ZBTB40: variants seen among roughly 807,000 people sequenced by gnomAD.
ZBTB40 encodes the protein zinc finger and BTB domain-containing protein 40.
Under a neutral mutation model 117.5 loss-of-function variants are expected in ZBTB40, and 60 were observed. That is an observed-to-expected ratio of 0.51 (90% CI 0.41 to 0.63). The LOEUF (loss-of-function observed/expected upper bound fraction) is 0.63. ZBTB40 is among the 30% of genes least tolerant of loss of function. ZBTB40 has a pLI of 0.00. For missense variants in ZBTB40, 1,287 were observed against 1,498.5 expected (o/e 0.86, Z 2.33); for synonymous variants, 525 against 577.1 (o/e 0.91, Z 1.29).
At chr1:22,465,210 G>A (rs557943709) in intron 1 of ZBTB40, among the ~76,000 whole-genome samples, 4 of 152,236 alleles carry the variant, frequency 2.6e-5, no homozygotes, top group South Asian at 4.1e-4. Context: ...CTGCTTGCTG[G>A]TTGACTAGAC....
At chr1:22,469,614 T>G (rs1468574544) in intron 1 of ZBTB40, among the ~76,000 whole-genome samples, 5 of 152,160 alleles carry the variant, frequency 3.3e-5, no homozygotes, top group Non-Finnish European at 5.9e-5. Flanking sequence ...TGGAGTGCAG[T>G]GGTGCGATCT....
chr1:22,444,927 C>T (rs1428533773), intron 1 of ZBTB40, among the ~76,000 whole-genome samples: 3 of 152,200 alleles, frequency 2.0e-5, no homozygotes, highest in Non-Finnish European at 4.4e-5. Flanking sequence ...GCCTTGGTCT[C>T]TCACTCTGCC....
intron 1 of ZBTB40, among the ~76,000 whole-genome samples, chr1:22,486,023 C>T (rs1470198721): frequency 6.6e-6 from 1 of 151,014 alleles, no homozygotes; most frequent in Non-Finnish European, 1.5e-5. Context: ...TGTGCTAATT[C>T]GGACATTCTT....
At chr1:22,430,765 C>T (rs1275636401) in intron 1 of ZBTB40, among the ~76,000 whole-genome samples, 1 of 152,060 alleles carries the variant, frequency 6.6e-6, no homozygotes, top group Non-Finnish European at 1.5e-5. Flanking sequence ...GGAACCATGC[C>T]CAGCCAGTTT....
chr1:22,507,737 C>T lies in ZBTB40; in HGVS notation c.1361-264C>T, dbSNP rs536901354. ...CTTACAAGTACAGCCTTCTAATTAC[C>T]CCCCTGGTGAGCAATTGCTAGCTCC... On this transcript the variant is annotated intron_variant, in intron 6 of 17. Transcript: ENST00000375647. Among the ~76,000 whole-genome samples, 10 of 152,286 alleles carry T rather than the reference C, an allele frequency of 6.6e-5. No homozygotes were observed. The East Asian group carries it at 1.5e-3, about 24-fold the overall frequency.
intron 1 of ZBTB40, among the ~76,000 whole-genome samples, chr1:22,434,558 T>C (rs867195153): frequency 5.3e-5 from 8 of 152,258 alleles, no homozygotes; most frequent in Middle Eastern, 6.8e-3. Flanking sequence ...TGTCTACAAT[T>C]TTTTAGCTTT....
At chr1:22,469,844 A>G (rs1277225832) in intron 1 of ZBTB40, among the ~76,000 whole-genome samples, 1 of 152,128 alleles carries the variant, frequency 6.6e-6, no homozygotes, top group Non-Finnish European at 1.5e-5. Context: ...GCCCCACCTT[A>G]TAGTTCTAGT....
At chr1:22,505,996 A>T in intron 5 of ZBTB40, 53 bp from the exon 6 acceptor site, 1 of 1,597,396 alleles carries the variant, frequency 6.3e-7, no homozygotes, top group South Asian at 1.1e-5. Context: ...AGTGTGTCAG[A>T]TAAATGTTGA....
At chr1:22,429,751 G>C (rs1640552740) in intron 1 of ZBTB40, among the ~76,000 whole-genome samples, 1 of 152,152 alleles carries the variant, frequency 6.6e-6, no homozygotes. Flanking sequence ...CCAGCACTTT[G>C]GGAGGCCGAG....
At chr1:22,488,504 A>C (rs910796142) in intron 1 of ZBTB40, among the ~76,000 whole-genome samples, 2 of 152,164 alleles carry the variant, frequency 1.3e-5, no homozygotes, top group African/African-American at 2.4e-5. Flanking sequence ...AGGCACAGAT[A>C]TACTAAGCAT....
chr1:22,458,829 A>C (rs1332378219), intron 1 of ZBTB40, among the ~76,000 whole-genome samples: 1 of 152,180 alleles, frequency 6.6e-6, no homozygotes, highest in Non-Finnish European at 1.5e-5. Flanking sequence ...GGCCTCAAGC[A>C]ATCCACCTGC....
At chr1:22,430,680 G>A (rs551720783) in intron 1 of ZBTB40, among the ~76,000 whole-genome samples, 2 of 150,380 alleles carry the variant, frequency 1.3e-5, no homozygotes, top group East Asian at 2.0e-4. Flanking sequence ...CTATGTTGCC[G>A]AGGCTGGTCT....
intron 5 of ZBTB40, among the ~76,000 whole-genome samples, chr1:22,502,869 C>T (rs1361795479): frequency 1.3e-5 from 2 of 152,092 alleles, no homozygotes; most frequent in African/African-American, 4.8e-5. Context: ...TAGAAATGTA[C>T]TGTACATTTG....
In ZBTB40 at chr1:22,529,559, A is replaced by G. The variant is rs985158797; in HGVS notation, c.*3163A>G. The G allele has an allele frequency of 6.6e-6, 1 of 151,862 alleles. No homozygotes were observed. The highest frequency in any genetic ancestry group is 1.5e-5 in the Non-Finnish European group (1 of 67,962). The allele number at this position is 151,862 out of a possible 1,614,324, so 9.4% of individuals were successfully genotyped here. A position where few individuals can be genotyped will look rare whatever the true frequency, so the allele number is the denominator to read the frequency against. ...GCAAGGATTACTGCGGGAAGGTGAG[A>G]CTCCTACTGTCCACGCGCATGAGCA... On this transcript the variant is annotated 3_prime_UTR_variant, in exon 18 of 18. Coordinates refer to ENST00000375647, the MANE Select transcript of ZBTB40 (RefSeq NM_014870.4).
intron 3 of ZBTB40, among the ~76,000 whole-genome samples, chr1:22,495,852 C>T (rs1425313315): frequency 6.6e-6 from 1 of 152,198 alleles, no homozygotes; most frequent in Non-Finnish European, 1.5e-5. Flanking sequence ...CTCTTCTGGA[C>T]ATTAGCACTA....
chr1:22,490,846 A>G (rs961313114), intron 2 of ZBTB40, among the ~76,000 whole-genome samples: 2 of 152,224 alleles, frequency 1.3e-5, no homozygotes, highest in African/African-American at 2.4e-5. Context: ...GCAGAAAAGC[A>G]GTATTGGAAT....
At chr1:22,461,314 C>T (rs1641126036) in intron 1 of ZBTB40, among the ~76,000 whole-genome samples, 1 of 130,282 alleles carries the variant, frequency 7.7e-6, no homozygotes, top group Non-Finnish European at 1.6e-5. Flanking sequence ...AATAATTGGC[C>T]CCTAGAGTTC....
At chr1:22,439,409 C>T (rs1218103271) in intron 1 of ZBTB40, among the ~76,000 whole-genome samples, 5 of 152,078 alleles carry the variant, frequency 3.3e-5, no homozygotes, top group Admixed American at 3.3e-4. Flanking sequence ...TTCAAGAAAC[C>T]ATTACCAAAT....
intron 17 of ZBTB40, among the ~76,000 whole-genome samples, chr1:22,525,738 G>A (rs750741636): frequency 2.0e-5 from 3 of 152,248 alleles, no homozygotes; most frequent in Non-Finnish European, 2.9e-5. Context: ...GTGGCCTCCT[G>A]GGAAGGCTGT....
Sources: allele counts gnomAD v4.1 joint callset (sites outside exome capture counted in the v4.1 genomes callset), GRCh38; gene constraint gnomAD v4.1.1; transcripts MANE v1.5; gene names NCBI Gene and HGNC (gene_info 2026-07-23, HGNC 2026-07-21).